The following ANKRD62 variants were observed in gnomAD, a reference collection of about 807,000 sequenced individuals.
ANKRD62 encodes the protein ankyrin repeat domain 62, also known as ankyrin repeat domain-containing protein 62.
In ANKRD62, 61 loss-of-function variants were observed where a neutral mutation model predicts 98.8. That is an observed-to-expected ratio of 0.62 (90% CI 0.50 to 0.76). ANKRD62 has a LOEUF of 0.76. ANKRD62 is among the 30% of genes least tolerant of loss of function. The pLI is 0.00. For missense variants in ANKRD62, 933 were observed against 1,082.9 expected (o/e 0.86, Z 1.94); for synonymous variants, 341 against 367.9 (o/e 0.93, Z 0.84).
At chr18:12,153,459 G>C in the ANKRD62 span, among the ~76,000 whole-genome samples, 3 of 151,794 alleles carry the variant, frequency 2.0e-5, no homozygotes, top group African/African-American at 4.8e-5. Context: ...AGGTGTGGTG[G>C]TGCACACCTG....
the ANKRD62 span, among the ~76,000 whole-genome samples, chr18:12,137,919 A>G: frequency 2.0e-5 from 3 of 151,386 alleles, no homozygotes; most frequent in Admixed American, 1.3e-4. Context: ...TATTGCATCT[A>G]TTTGATTCTT....
At chr18:12,135,297 G>A in the ANKRD62 span, among the ~76,000 whole-genome samples, 1 of 148,196 alleles carries the variant, frequency 6.7e-6, no homozygotes, top group Non-Finnish European at 1.5e-5. Context: ...GCGGTGTTTG[G>A]TTTTTTGTCC....
intron 8 of ANKRD62, among the ~76,000 whole-genome samples, chr18:12,110,071 A>C (rs1909507400): frequency 6.6e-6 from 1 of 151,936 alleles, no homozygotes; most frequent in Non-Finnish European, 1.5e-5. Context: ...TTTCCTGTTT[A>C]GAGGCACTCT....
chr18:12,102,839 A>C, intron 6 of ANKRD62: 1 of 920,560 alleles, frequency 1.1e-6, no homozygotes, highest in Non-Finnish European at 1.3e-6. Flanking sequence ...ATCTGTTAAT[A>C]CTGGATTTTC....
chr18:12,172,198 C>T, the ANKRD62 span, among the ~76,000 whole-genome samples: 4 of 152,298 alleles, frequency 2.6e-5, no homozygotes, highest in African/African-American at 7.2e-5. Flanking sequence ...AGCTGTGTTC[C>T]TTTGGAGGAG....
chr18:12,125,453 T>C lies in ANKRD62; in HGVS notation c.1639-7T>C, dbSNP rs1322730781. 3.5e-6 allele frequency: 5 copies of C among 1,441,850 alleles called. No individual in the cohort carries two copies. The South Asian group carries it at 6.3e-5, about 18-fold the overall frequency. The allele number at this position is 1,441,850 out of a possible 1,614,324, so 89.3% of individuals were successfully genotyped here. A position where few individuals can be genotyped will look rare whatever the true frequency, so the allele number is the denominator to read the frequency against. On this transcript the variant is annotated splice_polypyrimidine_tract_variant and splice_region_variant and intron_variant, in intron 12 of 13. Transcript: ENST00000587848. ...TGCTAGTTGAGAGTTTTCTTTGTTT[T>C]ATTTAGAATTTTCATACTCATGAAA... is the stretch of plus-strand genomic sequence containing the variant.
At chr18:12,157,091 C>T in the ANKRD62 span, among the ~76,000 whole-genome samples, 3 of 152,272 alleles carry the variant, frequency 2.0e-5, no homozygotes, top group East Asian at 5.8e-4. Flanking sequence ...ACTTTATAGG[C>T]AAACTTTTTT....
chr18:12,106,035 A>T (rs1443508128), intron 7 of ANKRD62, among the ~76,000 whole-genome samples: 7 of 152,362 alleles, frequency 4.6e-5, no homozygotes, highest in South Asian at 4.1e-4. Context: ...TGGAACAAAT[A>T]TTCATGGGCA....
At chr18:12,121,565 C>T (rs1909782194) in intron 10 of ANKRD62, among the ~76,000 whole-genome samples, 1 of 152,142 alleles carries the variant, frequency 6.6e-6, no homozygotes, top group African/African-American at 2.4e-5. Flanking sequence ...GCTTTCTCCT[C>T]TCCAGTGTTC....
intron 6 of ANKRD62, chr18:12,102,192 T>A: frequency 1.2e-6 from 1 of 844,352 alleles, no homozygotes; most frequent in Admixed American, 1.7e-5. Flanking sequence ...CAGCAAGGAG[T>A]AGAGTCCGTC....
intron 8 of ANKRD62, among the ~76,000 whole-genome samples, chr18:12,113,005 A>G (rs1238199463): frequency 2.6e-5 from 4 of 152,046 alleles, no homozygotes; most frequent in Non-Finnish European, 4.4e-5. Flanking sequence ...AGTGATTCTC[A>G]TGCCTCAGCC....
chr18:12,125,116 A>G (rs1909859772), intron 12 of ANKRD62, among the ~76,000 whole-genome samples: 1 of 152,194 alleles, frequency 6.6e-6, no homozygotes, highest in South Asian at 2.1e-4. Context: ...GTGTAAACCC[A>G]GTTTCTAAAT....
chr18:12,170,953 C>A, the ANKRD62 span, among the ~76,000 whole-genome samples: 8 of 95,754 alleles, frequency 8.4e-5, no homozygotes, highest in African/African-American at 3.8e-4. Context: ...GGATTGCAAC[C>A]CCTGCTTTTT....
In ANKRD62 at chr18:12,124,334, T is replaced by C. The variant is rs200578699; in HGVS notation, c.1638+14T>C. The C allele has an allele frequency of 4.4e-6, 4 of 899,122 alleles. No individual in the cohort carries two copies. Among genetic ancestry groups the C allele is most frequent in the Non-Finnish European group, 4.7e-6 (3 of 639,656 alleles). The allele number at this position is 899,122 out of a possible 1,614,324, so 55.7% of individuals were successfully genotyped here. A position where few individuals can be genotyped will look rare whatever the true frequency, so the allele number is the denominator to read the frequency against. On this transcript the variant is annotated intron_variant, in intron 12 of 13. Transcript: ENST00000587848. Reference sequence around the variant, plus strand: ...AACTCAAATCAGGTAAATTAATGTTTGGTAAAATTTTACATTTCTAATTTT... The same window carrying C: ...AACTCAAATCAGGTAAATTAATGTTCGGTAAAATTTTACATTTCTAATTTT...
Position 12,122,323 on chromosome 18 carries a change from A to C in ANKRD62, c.1261A>C (p.Ser421Arg). ...ECKDFVSLSKSKNATAACGRS... is the reference protein window; with the variant it reads ...ECKDFVSLSKRKNATAACGRS... ...AACAGATTTTGTTAGCCTATCGAAA[A>C]GCAAGAATGCAACAGCTGCATGTGG... The change falls in exon 11 of 14, where the codon AGC becomes CGC. Residue 421 changes from serine to arginine, a missense_variant. Transcript: ENST00000587848. 1 of 1,534,668 alleles carries C rather than the reference A, an allele frequency of 6.5e-7. No individual in the cohort carries two copies. Among genetic ancestry groups the C allele is most frequent in the Non-Finnish European group, 8.7e-7 (1 of 1,146,480 alleles).
rs773235039 is a variant in ANKRD62 at position 12,099,679 on chromosome 18, T to G, written c.817T>G (p.Ser273Ala). ...KRCKSLQNSNSEQDLEMTSEG... is the reference protein window; with the variant it reads ...KRCKSLQNSNAEQDLEMTSEG... ...ATGTAAAAGTCTTCAAAATAGCAAT[T>G]CAGGTATGACTTCTGATAGTGAATT... The change falls in exon 6 of 14, where the codon TCA becomes GCA. Residue 273 changes from serine to alanine, a missense_variant. Around this residue, in one of 3 missense-constraint regions of ANKRD62, gnomAD observed 549 missense variants for 587.9 expected, o/e 0.93. Transcript: ENST00000587848. The G allele has an allele frequency of 6.1e-6, 9 of 1,473,612 alleles. No homozygotes were observed. The highest frequency in any genetic ancestry group is 8.1e-6 in the Non-Finnish European group (9 of 1,109,540). The allele number at this position is 1,473,612 out of a possible 1,614,324, so 91.3% of individuals were successfully genotyped here.
chr18:12,145,555 G>T, the ANKRD62 span, among the ~76,000 whole-genome samples: 3 of 152,010 alleles, frequency 2.0e-5, no homozygotes, highest in Non-Finnish European at 4.4e-5. Context: ...GTGAAATGAG[G>T]CCAGACTGCT....
the ANKRD62 span, among the ~76,000 whole-genome samples, chr18:12,167,839 G>A: frequency 4.5e-4 from 69 of 152,152 alleles, no homozygotes; most frequent in African/African-American, 1.6e-3. Flanking sequence ...GGTGTGAGAT[G>A]GTATCTCATT....
the ANKRD62 span, among the ~76,000 whole-genome samples, chr18:12,136,980 C>G: frequency 6.6e-6 from 1 of 152,038 alleles, no homozygotes; most frequent in Non-Finnish European, 1.5e-5. Context: ...GATATACAAT[C>G]ATGTCATCTG....
Sources: allele counts gnomAD v4.1 joint callset (sites outside exome capture counted in the v4.1 genomes callset), GRCh38; gene constraint gnomAD v4.1.1; regional missense constraint gnomAD v4.1.1; transcripts MANE v1.5; gene names NCBI Gene and HGNC (gene_info 2026-07-23, HGNC 2026-07-21).